PCDHGB5: variants seen among roughly 807,000 people sequenced by gnomAD.
PCDHGB5 encodes protocadherin gamma subfamily B, 5.
A neutral mutation model predicts 62.9 loss-of-function variants in PCDHGB5; 48 were observed. The observed-to-expected ratio is 0.76, with a 90% confidence interval of 0.61 to 0.97. The LOEUF (loss-of-function observed/expected upper bound fraction) is 0.97, where lower values mean the gene tolerates loss of function less well. PCDHGB5 is among the 50% of genes least tolerant of loss of function. The pLI is 0.00. For synonymous variants in PCDHGB5, 474 were observed against 511.2 expected (o/e 0.93, Z 0.98); for missense variants, 1,118 against 1,198.6 (o/e 0.93, Z 0.99).
chr5:141,399,231 T>C lies in PCDHGB5; in HGVS notation c.1104T>C (p.His368=). The C allele has an allele frequency of 6.2e-7, 1 of 1,613,942 alleles. No homozygotes were observed. The highest frequency in any genetic ancestry group is 8.5e-7 in the Non-Finnish European group (1 of 1,179,878). Residue 368 remains histidine, a synonymous_variant, in exon 1 of 4, where the codon CAT becomes CAC. Coordinates refer to ENST00000617380, the MANE Select transcript of PCDHGB5 (RefSeq NM_018925.3). Reference sequence around the variant, plus strand: ...CACTAATTGCTTTGATCAAAATACATGACCAAGATTCTGGGGAAAATGGGG... The same window carrying C: ...CACTAATTGCTTTGATCAAAATACACGACCAAGATTCTGGGGAAAATGGGG... ...PGTLIALIKI[H]DQDSGENGEV...
Position 141,493,891 on chromosome 5 carries a change from G to A in PCDHGB5, c.2398-916G>A, listed in dbSNP as rs1595204910. On this transcript the variant is annotated intron_variant, in intron 1 of 3. Transcript: ENST00000617380. The surrounding 1 kb of genome is among the most constrained non-coding windows in gnomAD (Gnocchi z 4.3). ...CCAGTGAGGAGGTGGCTCTAGGAGT[G>A]CTCCATGAGAGTGTGTGATGGGATA... Among the ~76,000 whole-genome samples, 1 of 152,300 alleles carries A rather than the reference G, an allele frequency of 6.6e-6. No homozygotes were observed. The highest frequency in any genetic ancestry group is 1.5e-5 in the Non-Finnish European group (1 of 68,018).
At chr5:141,458,774 A>G (rs2154566349) in intron 1 of PCDHGB5, among the ~76,000 whole-genome samples, 1 of 151,812 alleles carries the variant, frequency 6.6e-6, no homozygotes, top group Admixed American at 6.6e-5. Flanking sequence ...GCTGTGTCAC[A>G]CAGGCTGGAG....
At position 141,431,108 on chromosome 5, in the gene PCDHGB5, T is replaced by C; in HGVS notation, c.2397+30584T>C. 1 of 1,614,180 alleles carries C rather than the reference T, an allele frequency of 6.2e-7. No homozygotes were observed. The highest frequency in any genetic ancestry group is 8.5e-7 in the Non-Finnish European group (1 of 1,180,032). On this transcript the variant is annotated intron_variant, in intron 1 of 3. Coordinates refer to ENST00000617380, the MANE Select transcript of PCDHGB5 (RefSeq NM_018925.3). This position sits in a 1 kb window ranked among gnomAD's most constrained non-coding sequence, Gnocchi z 4.8. ...TCTGATGGAGGATAAAGTGAAAATATATGGAGTAGAAGTAGAAGTAAGGGA... is the reference window on the plus strand; with the variant it reads ...TCTGATGGAGGATAAAGTGAAAATACATGGAGTAGAAGTAGAAGTAAGGGA...
chr5:141,419,769 C>G (rs773303779), intron 1 of PCDHGB5: 3 of 1,613,888 alleles, frequency 1.9e-6, no homozygotes, highest in Non-Finnish European at 2.5e-6. Context: ...GACAAGGACT[C>G]GGTCCGCCAG....
chr5:141,418,606 T>A (rs1279991875), intron 1 of PCDHGB5: 1 of 1,614,030 alleles, frequency 6.2e-7, no homozygotes. Context: ...TGTACAGGGT[T>A]AGCCTTCGGG....
intron 1 of PCDHGB5, among the ~76,000 whole-genome samples, chr5:141,484,084 T>A (rs1030166144): frequency 3.3e-5 from 5 of 152,174 alleles, no homozygotes; most frequent in African/African-American, 4.8e-5. Flanking sequence ...TCTTTTGAAA[T>A]GGTCTTCGTT....
chr5:141,482,380 C>A (rs2099557573), intron 1 of PCDHGB5, among the ~76,000 whole-genome samples: 1 of 151,712 alleles, frequency 6.6e-6, no homozygotes, highest in Non-Finnish European at 1.5e-5. Context: ...ATATAAAGTC[C>A]CTGTATGGAG....
chr5:141,487,477 C>A lies in PCDHGB5; in HGVS notation c.2398-7330C>A, dbSNP rs748435479. On this transcript the variant is annotated intron_variant, in intron 1 of 3. Transcript: ENST00000617380. The surrounding 1 kb of genome is among the most constrained non-coding windows in gnomAD (Gnocchi z 5.0). ...TCAAGTTTGTTGATGTGGGAGGCCA[C>A]TCTCATGGCTGTACACCCTTGGCTT... 1 of 1,614,200 alleles carries A rather than the reference C, an allele frequency of 6.2e-7. No individual in the cohort carries two copies. The highest frequency in any genetic ancestry group is 1.7e-5 in the Admixed American group (1 of 60,030).
intron 1 of PCDHGB5, chr5:141,415,426 C>T: frequency 6.2e-7 from 1 of 1,614,194 alleles, no homozygotes; most frequent in Non-Finnish European, 8.5e-7. Flanking sequence ...GGACGGGGTT[C>T]GGGCTTTCCT....
intron 1 of PCDHGB5, chr5:141,422,585 T>C (rs1193597044): frequency 1.2e-6 from 2 of 1,613,930 alleles, no homozygotes; most frequent in African/African-American, 2.7e-5. Context: ...CCTCCCGTTT[T>C]TCCTCACTCC....
intron 2 of PCDHGB5, among the ~76,000 whole-genome samples, chr5:141,496,013 T>C (rs2154591828): frequency 6.6e-6 from 1 of 152,134 alleles, no homozygotes; most frequent in East Asian, 1.9e-4. Flanking sequence ...CTTGTCTTTT[T>C]TCTCTGAGCC....
rs151105903 is a variant in PCDHGB5 at position 141,419,964 on chromosome 5, T to C, written c.2397+19440T>C. ...GTGGCCTTGGCCTTGATTTCTGTGC[T>C]CTTTCTCCTCGCGGTGATTCTAGCT... On this transcript the variant is annotated intron_variant, in intron 1 of 3. Transcript: ENST00000617380. 3.7e-6 allele frequency: 6 copies of C among 1,614,082 alleles called. No individual in the cohort carries two copies. Among genetic ancestry groups the C allele is most frequent in the Non-Finnish European group, 4.2e-6 (5 of 1,179,900 alleles).
intron 1 of PCDHGB5, chr5:141,409,345 A>G (rs1012428329): frequency 6.2e-7 from 1 of 1,614,020 alleles, no homozygotes; most frequent in Non-Finnish European, 8.5e-7. Flanking sequence ...GAAATGGAGA[A>G]GTCAGGTGTA....
At chr5:141,444,473 G>C (rs943971075) in intron 1 of PCDHGB5, among the ~76,000 whole-genome samples, 6 of 151,972 alleles carry the variant, frequency 3.9e-5, no homozygotes, top group South Asian at 2.1e-4. Flanking sequence ...GCCCGGTCGC[G>C]TACTGGATTT....
At chr5:141,423,508 A>G (rs962526072) in intron 1 of PCDHGB5, 2 of 1,613,860 alleles carry the variant, frequency 1.2e-6, no homozygotes, top group African/African-American at 2.7e-5. Context: ...GGTCTCTCTC[A>G]TTGCGGACTC....
At position 141,489,664 on chromosome 5, in the gene PCDHGB5, A is replaced by G. The variant is rs745597010; in HGVS notation, c.2398-5143A>G. On this transcript the variant is annotated intron_variant, in intron 1 of 3. Transcript: ENST00000617380. The surrounding 1 kb of genome is among the most constrained non-coding windows in gnomAD (Gnocchi z 4.5). ...TGCCACCCCTGAGCGAGAGATGCGCATCTCAGAATCAGCAGCATCTGGGGC... is the reference window on the plus strand; with the variant it reads ...TGCCACCCCTGAGCGAGAGATGCGCGTCTCAGAATCAGCAGCATCTGGGGC... 1 of 1,614,106 alleles carries G rather than the reference A, an allele frequency of 6.2e-7. No homozygotes were observed. The highest frequency in any genetic ancestry group is 8.5e-7 in the Non-Finnish European group (1 of 1,180,050).
At chr5:141,474,997 A>C (rs2154572220) in intron 1 of PCDHGB5, among the ~76,000 whole-genome samples, 1 of 152,376 alleles carries the variant, frequency 6.6e-6, no homozygotes, top group African/African-American at 2.4e-5. Flanking sequence ...ACAATTCTAA[A>C]TGCAGAAAAG....
At chr5:141,502,866 C>CTTT (rs549047197) in intron 2 of PCDHGB5, among the ~76,000 whole-genome samples, 3 of 128,046 alleles carry the variant, frequency 2.3e-5, no homozygotes, top group African/African-American at 9.3e-5. Context: ...GACTCTCTGT[C>CTTT]TTTTTTTTTT....
intron 1 of PCDHGB5, chr5:141,423,297 C>T: frequency 1.9e-6 from 3 of 1,614,170 alleles, no homozygotes; most frequent in South Asian, 1.1e-5. Flanking sequence ...CCTCAGACCT[C>T]TCGCTGTACT....
Sources: allele counts gnomAD v4.1 joint callset (sites outside exome capture counted in the v4.1 genomes callset), GRCh38; gene constraint gnomAD v4.1.1; non-coding constraint Gnocchi (gnomAD v3.1); transcripts MANE v1.5; gene names NCBI Gene and HGNC (gene_info 2026-07-23, HGNC 2026-07-21).